The following CDH12 variants were observed in gnomAD, a reference collection of about 807,000 sequenced individuals.
The protein encoded by CDH12 is cadherin-12.
A neutral mutation model predicts 74.1 loss-of-function variants in CDH12; 41 were observed. That is an observed-to-expected ratio of 0.55 (90% CI 0.43 to 0.72). The LOEUF (loss-of-function observed/expected upper bound fraction) is 0.72, where lower values mean the gene tolerates loss of function less well. Ranked by LOEUF, CDH12 falls within the 30% of genes least tolerant of loss-of-function variation. The pLI, the probability that CDH12 is intolerant of heterozygous loss-of-function variation, is 0.00. For synonymous variants in CDH12, 399 were observed against 355.0 expected (o/e 1.12, Z -1.39); for missense variants, 945 against 977.2 (o/e 0.97, Z 0.44).
chr5:22,075,774 C>T lies in CDH12; in HGVS notation c.231+2672G>A, dbSNP rs1197639654. 2.0e-5 allele frequency among the ~76,000 whole-genome samples: 3 copies of T among 151,970 alleles called. No individual in the cohort carries two copies. In the East Asian group the frequency reaches 5.8e-4, roughly 29 times the overall value. ...GCTGGGGAGAAGTCAGTTCTCCTAA[C>T]CCCCCAAGTTGTCCAATGGTGAACT... On this transcript the variant is annotated intron_variant, in intron 5 of 14. Transcript: ENST00000382254.
At chr5:22,504,670 G>A (rs986627787) in intron 2 of CDH12, among the ~76,000 whole-genome samples, 1 of 152,030 alleles carries the variant, frequency 6.6e-6, no homozygotes, top group Admixed American at 6.6e-5. Flanking sequence ...AACTGTAACT[G>A]TCTAAATCTC....
chr5:22,473,739 A>G (rs541260165), intron 2 of CDH12, among the ~76,000 whole-genome samples: 1 of 152,014 alleles, frequency 6.6e-6, no homozygotes, highest in Non-Finnish European at 1.5e-5. Context: ...TAATATGTGG[A>G]TTTTATTTTT....
intron 5 of CDH12, among the ~76,000 whole-genome samples, chr5:22,016,536 C>A (rs578236444): frequency 1.5e-4 from 23 of 152,066 alleles, no homozygotes; most frequent in African/African-American, 5.6e-4. Context: ...GCTGGGACTA[C>A]AGGAATGTCC....
intron 4 of CDH12, among the ~76,000 whole-genome samples, chr5:22,098,667 A>C (rs991782010): frequency 2.9e-4 from 44 of 152,226 alleles, no homozygotes; most frequent in Middle Eastern, 3.4e-3. Flanking sequence ...CCACAATTAC[A>C]ATTGTTCCTG....
chr5:22,202,002 G>C (rs1274853171), intron 4 of CDH12, among the ~76,000 whole-genome samples: 1 of 152,096 alleles, frequency 6.6e-6, no homozygotes, highest in East Asian at 1.9e-4. Context: ...TTCCTAACTT[G>C]ACACATTGGG....
Position 22,152,365 on chromosome 5 carries a change from C to G in CDH12, c.-187+60133G>C, listed in dbSNP as rs572155888. The G allele has an allele frequency of 9.2e-5, 14 of 152,184 alleles. No individual in the cohort carries two copies. The South Asian group carries it at 2.9e-3, about 32-fold the overall frequency. 9.4% of individuals were successfully genotyped at this position (152,184 alleles called of 1,614,324 possible). ...ATCTTTTTAAAAATTGATAATTTAT[C>G]TCTGTTTTATAGAAGTGTGAAACTG... is the stretch of plus-strand genomic sequence containing the variant. On this transcript the variant is annotated intron_variant, in intron 4 of 14. Coordinates refer to ENST00000382254, the MANE Select transcript of CDH12 (RefSeq NM_004061.5).
chr5:22,102,530 A>G (rs918450340), intron 4 of CDH12, among the ~76,000 whole-genome samples: 4 of 152,028 alleles, frequency 2.6e-5, no homozygotes, highest in African/African-American at 9.7e-5. Flanking sequence ...TTAGCTAGGC[A>G]TGGTGGCGGT....
At chr5:22,074,891 A>C (rs1742199207) in intron 5 of CDH12, among the ~76,000 whole-genome samples, 1 of 152,068 alleles carries the variant, frequency 6.6e-6, no homozygotes, top group Admixed American at 6.6e-5. Flanking sequence ...CCATTGTGGA[A>C]GTCAGTGTGG....
chr5:22,739,172 T>C (rs1560995466), intron 1 of CDH12, among the ~76,000 whole-genome samples: 1 of 152,046 alleles, frequency 6.6e-6, no homozygotes, highest in Non-Finnish European at 1.5e-5. Flanking sequence ...CATGTGTAAT[T>C]GTATTTTTAA....
intron 1 of CDH12, among the ~76,000 whole-genome samples, chr5:22,754,073 A>G (rs765241863): frequency 1.3e-5 from 2 of 152,212 alleles, no homozygotes; most frequent in Non-Finnish European, 2.9e-5. Context: ...ACTTGAAGTC[A>G]AAAGCACTGA....
rs377305043 is a variant in CDH12 at position 22,649,217 on chromosome 5, C to T, written c.-522-143853G>A. 3.9e-5 allele frequency among the ~76,000 whole-genome samples: 6 copies of T among 152,100 alleles called. No individual in the cohort carries two copies. In the East Asian group the frequency reaches 5.8e-4, roughly 15 times the overall value. ...GAAATGTACCAGGCACTCTGCCAGG[C>T]TTGTGAATACAATATTTCCATTGTT... On this transcript the variant is annotated intron_variant, in intron 1 of 14. Transcript: ENST00000382254.
chr5:21,939,048 A>G (rs1380284889), intron 6 of CDH12, among the ~76,000 whole-genome samples: 2 of 151,546 alleles, frequency 1.3e-5, no homozygotes, highest in Admixed American at 6.6e-5. Flanking sequence ...CTTAATGGGG[A>G]TATAGACAAG....
chr5:22,498,299 T>C (rs1213308832), intron 2 of CDH12, among the ~76,000 whole-genome samples: 2 of 152,004 alleles, frequency 1.3e-5, no homozygotes, highest in Non-Finnish European at 2.9e-5. Flanking sequence ...TTATATAATT[T>C]AATAACTTGT....
intron 4 of CDH12, among the ~76,000 whole-genome samples, chr5:22,129,853 A>T (rs2150285642): frequency 6.6e-6 from 1 of 152,258 alleles, no homozygotes; most frequent in East Asian, 1.9e-4. Context: ...AAGACTAATT[A>T]TCAATATAAA....
At chr5:22,355,824 C>CAA (rs1421461067) in intron 3 of CDH12, among the ~76,000 whole-genome samples, 2 of 152,066 alleles carry the variant, frequency 1.3e-5, no homozygotes, top group Non-Finnish European at 2.9e-5. Context: ...CTGAAACACA[C>CAA]ACATGCACAA....
rs187532454 is a variant in CDH12, at chr5:22,600,309, G to A, written c.-522-94945C>T. 1.2e-3 allele frequency among the ~76,000 whole-genome samples: 182 copies of A among 152,202 alleles called. 1 individual carries two copies. The highest frequency in any genetic ancestry group is 1.8e-3 in the Admixed American group (28 of 15,288). ...ACATATCCCTGAATACTATTGTCCAGTTCCTTCCATTTGATTCCACTCTGC... is the reference window on the plus strand; with the variant it reads ...ACATATCCCTGAATACTATTGTCCAATTCCTTCCATTTGATTCCACTCTGC... On this transcript the variant is annotated intron_variant, in intron 1 of 14. Transcript: ENST00000382254.
intron 2 of CDH12, among the ~76,000 whole-genome samples, chr5:22,472,191 T>C (rs1745987515): frequency 6.6e-6 from 1 of 152,104 alleles, no homozygotes; most frequent in Non-Finnish European, 1.5e-5. Context: ...AAATTCTTAT[T>C]AAGTCAGAGC....
At chr5:22,448,345 A>T (rs1744910755) in intron 2 of CDH12, among the ~76,000 whole-genome samples, 1 of 151,924 alleles carries the variant, frequency 6.6e-6, no homozygotes, top group Non-Finnish European at 1.5e-5. Context: ...AAAATATGCC[A>T]GTGAATGAGT....
chr5:21,975,036 G>A (rs1195339819), intron 6 of CDH12, 55 bp downstream of exon 6: 2 of 1,067,012 alleles, frequency 1.9e-6, no homozygotes, highest in Admixed American at 4.6e-5. Context: ...CCTGCAAAAA[G>A]TCAATGTTGA....
Sources: gnomAD v4.1 joint callset for allele counts (sites outside exome capture counted in the v4.1 genomes callset) on GRCh38, gnomAD v4.1.1 for gene constraint, MANE v1.5 for transcripts, NCBI Gene and HGNC (gene_info 2026-07-23, HGNC 2026-07-21) for gene names.